Variants in TAFA1 observed in about 807,000 individuals in gnomAD.
The protein encoded by TAFA1 is TAFA chemokine like family member 1, also known as chemokine-like protein TAFA-1.
In TAFA1, 4 loss-of-function variants were observed where a neutral mutation model predicts 18.5. The observed-to-expected ratio is 0.22, with a 90% CI of 0.11 to 0.49. The LOEUF (loss-of-function observed/expected upper bound fraction) is 0.49. Among genes scored for constraint, TAFA1 ranks in the 20% least tolerant of loss-of-function variants. The probability of loss-of-function intolerance (pLI) is 0.98; values close to 1 mark genes in which losing one functional copy is unlikely to be tolerated. For missense variants in TAFA1, 147 were observed against 169.0 expected (o/e 0.87, Z 0.72); for synonymous variants, 56 against 55.2 (o/e 1.01, Z -0.06).
At chr3:68,013,685 A>G (rs1359049142) in intron 2 of TAFA1, among the ~76,000 whole-genome samples, 1 of 152,188 alleles carries the variant, frequency 6.6e-6, no homozygotes, top group African/African-American at 2.4e-5. Context: ...TTTGGGAATA[A>G]AGAGAAGATG....
At chr3:68,342,608 TCAGA>T (rs1276214168) in intron 2 of TAFA1, among the ~76,000 whole-genome samples, 4 of 152,260 alleles carry the variant, frequency 2.6e-5, no homozygotes, top group South Asian at 2.1e-4. Context: ...TGTGATTGTC[TCAGA>T]CAGTCATGAT....
At chr3:68,118,312 A>G (rs2065347391) in intron 2 of TAFA1, among the ~76,000 whole-genome samples, 1 of 152,118 alleles carries the variant, frequency 6.6e-6, no homozygotes, top group Admixed American at 6.5e-5. Context: ...TCTCACTACC[A>G]TAAGAATCTA....
At chr3:68,457,010 AG>A (rs2106911471) in intron 3 of TAFA1, among the ~76,000 whole-genome samples, 1 of 152,366 alleles carries the variant, frequency 6.6e-6, no homozygotes, top group South Asian at 2.1e-4. Flanking sequence ...AAAATTCAGA[AG>A]AACCATAAGA....
intron 2 of TAFA1, among the ~76,000 whole-genome samples, chr3:68,409,354 C>T (rs941264637): frequency 2.0e-5 from 3 of 152,082 alleles, no homozygotes; most frequent in African/African-American, 7.2e-5. Context: ...GAATTGTAAT[C>T]CCCACATGTC....
intron 3 of TAFA1, among the ~76,000 whole-genome samples, chr3:68,459,642 G>T (rs1033558344): frequency 1.3e-5 from 2 of 152,166 alleles, no homozygotes; most frequent in Non-Finnish European, 2.9e-5. Context: ...AGTATTTGCA[G>T]TTGATAGAAA....
chr3:67,994,091 G>GT, the TAFA1 span, among the ~76,000 whole-genome samples: 2 of 152,082 alleles, frequency 1.3e-5, no homozygotes, highest in Non-Finnish European at 2.9e-5. Flanking sequence ...CAATCAAATT[G>GT]TATCTATAAG....
At chr3:68,458,617 C>T (rs1510350) in intron 3 of TAFA1, among the ~76,000 whole-genome samples, 5,296 of 152,148 alleles carry the variant, frequency 0.035, 132 homozygotes, top group East Asian at 0.11. Flanking sequence ...CCCACTTTTC[C>T]CAAAGTGGCT....
intron 3 of TAFA1, among the ~76,000 whole-genome samples, chr3:68,538,370 A>G (rs969966400): frequency 6.6e-6 from 1 of 152,084 alleles, no homozygotes; most frequent in East Asian, 1.9e-4. Context: ...GGGAAGGGTT[A>G]TTATTATCCT....
At chr3:68,070,649 A>C (rs2064742675) in intron 2 of TAFA1, among the ~76,000 whole-genome samples, 1 of 152,216 alleles carries the variant, frequency 6.6e-6, no homozygotes, top group Non-Finnish European at 1.5e-5. Context: ...ACATTTTCTG[A>C]ACTTTTATGC....
At chr3:68,102,282 A>G (rs1002970114) in intron 2 of TAFA1, among the ~76,000 whole-genome samples, 1 of 152,000 alleles carries the variant, frequency 6.6e-6, no homozygotes, top group Non-Finnish European at 1.5e-5. Context: ...AAGTTCTAAA[A>G]CCTCTGTCCA....
At chr3:68,009,942 A>C (rs920975368) in intron 2 of TAFA1, among the ~76,000 whole-genome samples, 3 of 150,938 alleles carry the variant, frequency 2.0e-5, no homozygotes, top group Non-Finnish European at 4.5e-5. Context: ...TGGATAAATG[A>C]GCAAAAAGGA....
At chr3:68,080,453 G>A (rs867503743) in intron 2 of TAFA1, among the ~76,000 whole-genome samples, 179 of 152,110 alleles carry the variant, frequency 1.2e-3, no homozygotes, top group African/African-American at 3.9e-3. Flanking sequence ...GGCTGGTACC[G>A]GTTGTTCCTG....
Position 68,533,039 on chromosome 3 carries a change from G to A in TAFA1, c.260-5717G>A, listed in dbSNP as rs557956272. On this transcript the variant is annotated intron_variant, in intron 3 of 4. Transcript: ENST00000478136. ...ACTTTTTCCAAAGAGGGTTTCGAGG[G>A]CTTCAGTATTTAAAGGGGAAAAGTG... Among the ~76,000 whole-genome samples the A allele has an allele frequency of 3.3e-5, 5 of 151,206 alleles. No homozygotes were observed. In the South Asian group the frequency reaches 1.1e-3, roughly 32 times the overall value.
intron 2 of TAFA1, among the ~76,000 whole-genome samples, chr3:68,043,437 T>TA (rs1254590343): frequency 6.6e-6 from 1 of 152,166 alleles, no homozygotes; most frequent in Non-Finnish European, 1.5e-5. Context: ...AGACTTGTTT[T>TA]AAAAAAATAA....
At chr3:68,209,618 G>A (rs2066570806) in intron 2 of TAFA1, among the ~76,000 whole-genome samples, 1 of 151,884 alleles carries the variant, frequency 6.6e-6, no homozygotes, top group East Asian at 1.9e-4. Context: ...GTGATTTTCT[G>A]GCTTCCAATG....
chr3:67,999,276 C>CTCTCT (rs368071409), upstream of TAFA1, among the ~76,000 whole-genome samples: 20 of 39,596 alleles, frequency 5.1e-4, no homozygotes, highest in African/African-American at 1.2e-3. Context: ...ATCCCCCCCC[C>CTCTCT]CCCCCTCTCT....
At chr3:68,251,032 C>G (rs1288248757) in intron 2 of TAFA1, 1 of 151,884 alleles carries the variant, frequency 6.6e-6, no homozygotes, top group Non-Finnish European at 1.5e-5. Context: ...TCCAACTTAC[C>G]AGCAAGCAGT....
intron 2 of TAFA1, among the ~76,000 whole-genome samples, chr3:68,220,918 TC>T (rs1208406831): frequency 6.6e-6 from 1 of 152,150 alleles, no homozygotes; most frequent in Non-Finnish European, 1.5e-5. Flanking sequence ...CACAGATGCC[TC>T]TGAGGATTGG....
At chr3:68,120,317 T>C in intron 2 of TAFA1, among the ~76,000 whole-genome samples, 1 of 151,574 alleles carries the variant, frequency 6.6e-6, no homozygotes, top group Non-Finnish European at 1.5e-5. Context: ...TGGTGCAATC[T>C]CAGTTCACTA....
Sources: gnomAD v4.1 joint callset for allele counts (sites outside exome capture counted in the v4.1 genomes callset) on GRCh38, gnomAD v4.1.1 for gene constraint, MANE v1.5 for transcripts, NCBI Gene and HGNC (gene_info 2026-07-23, HGNC 2026-07-21) for gene names.